Variants in TMEM132D observed in about 807,000 individuals in gnomAD.
The protein encoded by TMEM132D is transmembrane protein 132D, also known as mature OL transmembrane protein.
A neutral mutation model predicts 62.3 loss-of-function variants in TMEM132D; 21 were observed. The ratio of observed to expected loss-of-function variants is 0.34; its 90% CI spans 0.24 to 0.49. The LOEUF is 0.49. TMEM132D is among the 20% of genes least tolerant of loss of function. TMEM132D has a pLI of 0.99. For missense variants in TMEM132D, 1,346 were observed against 1,402.8 expected (o/e 0.96, Z 0.65); for synonymous variants, 621 against 575.6 (o/e 1.08, Z -1.13).
intron 3 of TMEM132D, among the ~76,000 whole-genome samples, chr12:129,481,463 C>CA (rs60589482): frequency 0.022 from 2,280 of 102,974 alleles, 29 homozygotes; most frequent in Admixed American, 0.044. Flanking sequence ...ACCCTGTCTC[C>CA]AAAAAAAAAA....
intron 4 of TMEM132D, among the ~76,000 whole-genome samples, chr12:129,249,401 C>T (rs1219614954): frequency 6.6e-6 from 1 of 152,046 alleles, no homozygotes. Context: ...ATTATCATGC[C>T]CATTTGTTAG....
At chr12:129,841,984 A>G (rs1236196581) in intron 1 of TMEM132D, among the ~76,000 whole-genome samples, 1 of 147,426 alleles carries the variant, frequency 6.8e-6, no homozygotes, top group Non-Finnish European at 1.5e-5. Context: ...AGGCTGGAGT[A>G]CAGTGGCGCG....
intron 2 of TMEM132D, among the ~76,000 whole-genome samples, chr12:129,669,993 C>T (rs1231370115): frequency 1.3e-5 from 2 of 152,158 alleles, no homozygotes; most frequent in East Asian, 3.9e-4. Context: ...ACTATGTCCC[C>T]TGTCGACTGG....
At chr12:129,078,792 G>A (rs2135611906) in intron 7 of TMEM132D, 67 bp from the exon 8 acceptor site, 1 of 1,552,730 alleles carries the variant, frequency 6.4e-7, no homozygotes, top group East Asian at 2.3e-5. Flanking sequence ...CCAGTCACAG[G>A]AGGAAGTGCC....
chr12:129,774,859 G>A (rs996068775), intron 1 of TMEM132D, among the ~76,000 whole-genome samples: 1 of 152,198 alleles, frequency 6.6e-6, no homozygotes, highest in Non-Finnish European at 1.5e-5. Flanking sequence ...TCGGCAGCAT[G>A]ACCTTGGACA....
intron 4 of TMEM132D, among the ~76,000 whole-genome samples, chr12:129,322,634 A>G (rs1254150345): frequency 1.3e-5 from 2 of 152,134 alleles, no homozygotes; most frequent in Admixed American, 6.5e-5. Context: ...CTAGAAAGAT[A>G]TGGGTTCTAG....
At chr12:129,426,461 G>A (rs987497573) in intron 3 of TMEM132D, among the ~76,000 whole-genome samples, 1 of 152,148 alleles carries the variant, frequency 6.6e-6, no homozygotes, top group Non-Finnish European at 1.5e-5. Context: ...AAGGATAGCA[G>A]AGTTTGGGGA....
At chr12:129,539,107 G>C (rs1336005620) in intron 2 of TMEM132D, among the ~76,000 whole-genome samples, 1 of 152,204 alleles carries the variant, frequency 6.6e-6, no homozygotes, top group Non-Finnish European at 1.5e-5. Flanking sequence ...GTCTCATGCA[G>C]GAGGGTTGCG....
chr12:129,544,863 T>G (rs576219339), intron 2 of TMEM132D, among the ~76,000 whole-genome samples: 4 of 152,340 alleles, frequency 2.6e-5, no homozygotes, highest in South Asian at 4.1e-4. Flanking sequence ...GGTAGTTCTC[T>G]GAGACTATGA....
chr12:129,527,636 A>C (rs1171847178), intron 3 of TMEM132D, among the ~76,000 whole-genome samples: 4 of 152,170 alleles, frequency 2.6e-5, no homozygotes. Context: ...TTTGGGAAAC[A>C]CTTGTCTATG....
At chr12:129,616,861 T>C (rs576434102) in intron 2 of TMEM132D, among the ~76,000 whole-genome samples, 1 of 152,342 alleles carries the variant, frequency 6.6e-6, no homozygotes, top group African/African-American at 2.4e-5. Flanking sequence ...TTTGTTATTG[T>C]TGAAGTTTGT....
intron 5 of TMEM132D, among the ~76,000 whole-genome samples, chr12:129,144,890 ATCTATCCTGC>A (rs1876846493): frequency 7.2e-6 from 1 of 138,670 alleles, no homozygotes; most frequent in African/African-American, 2.8e-5. Flanking sequence ...TTCACCTATT[ATCTATCCTGC>A]TCTATCTATC....
At chr12:129,545,914 G>A (rs1365729252) in intron 2 of TMEM132D, among the ~76,000 whole-genome samples, 1 of 152,156 alleles carries the variant, frequency 6.6e-6, no homozygotes, top group African/African-American at 2.4e-5. Flanking sequence ...AGAGGACCAG[G>A]AATATGAGGA....
chr12:129,330,632 A>G (rs1869073742), intron 4 of TMEM132D, among the ~76,000 whole-genome samples: 2 of 152,216 alleles, frequency 1.3e-5, no homozygotes, highest in Admixed American at 1.3e-4. Flanking sequence ...ACAGCACATT[A>G]GCATACTCTG....
chr12:129,457,528 A>T (rs1406185165), intron 3 of TMEM132D, among the ~76,000 whole-genome samples: 1 of 151,576 alleles, frequency 6.6e-6, no homozygotes, highest in Non-Finnish European at 1.5e-5. Context: ...CCAACATGGC[A>T]CATGTATACA....
intron 5 of TMEM132D, among the ~76,000 whole-genome samples, chr12:129,124,300 A>G (rs1393999050): frequency 6.6e-6 from 1 of 152,146 alleles, no homozygotes; most frequent in Non-Finnish European, 1.5e-5. Context: ...ACTCACCTTG[A>G]ACGTAGAGGT....
intron 3 of TMEM132D, among the ~76,000 whole-genome samples, chr12:129,422,850 ATCTT>A (rs1370627895): frequency 6.7e-6 from 1 of 149,384 alleles, no homozygotes; most frequent in African/African-American, 2.5e-5. Flanking sequence ...AAAGAATTCA[ATCTT>A]TCTCTATACA....
At chr12:129,684,205 T>TC (rs1237964802) in intron 2 of TMEM132D, among the ~76,000 whole-genome samples, 1 of 152,202 alleles carries the variant, frequency 6.6e-6, no homozygotes, top group Non-Finnish European at 1.5e-5. Flanking sequence ...AATTATAGTT[T>TC]CCATAATCCC....
chr12:129,328,967 T>C lies in TMEM132D; in HGVS notation c.1299+8667A>G, dbSNP rs1323688753. On this transcript the variant is annotated intron_variant, in intron 4 of 8. Transcript: ENST00000422113. ...TTCATTGTGGAAATTAAATTCTTTATATATATAAAGAATTTATATATATGT... is the reference window on the plus strand; with the variant it reads ...TTCATTGTGGAAATTAAATTCTTTACATATATAAAGAATTTATATATATGT... 2.7e-5 allele frequency among the ~76,000 whole-genome samples: 4 copies of C among 149,258 alleles called. No homozygotes were observed. In the Admixed American group the frequency reaches 2.7e-4, roughly 10 times the overall value.
Sources: allele counts gnomAD v4.1 joint callset (sites outside exome capture counted in the v4.1 genomes callset), GRCh38; gene constraint gnomAD v4.1.1; transcripts MANE v1.5; gene names NCBI Gene and HGNC (gene_info 2026-07-23, HGNC 2026-07-21).